Variants in TTC28 observed in about 807,000 individuals in gnomAD.
TTC28 encodes tetratricopeptide repeat protein 28.
Under a neutral mutation model 198.0 loss-of-function variants are expected in TTC28, and 61 were observed. The observed-to-expected ratio is 0.31, with a 90% CI of 0.25 to 0.38. The LOEUF is 0.38. Ranked by LOEUF, TTC28 falls within the 10% of genes least tolerant of loss-of-function variation. The pLI is 1.00. For synonymous variants in TTC28, 1,171 were observed against 1,297.8 expected, an observed-to-expected ratio of 0.90 and a Z score of 2.10; for missense variants, 2,678 against 3,164.0, an observed-to-expected ratio of 0.85 and a Z score of 3.69.
rs1209577096 is a variant in TTC28, at chr22:28,679,410, CCCACACACAT to C, written c.102+202_102+211del. 1.2e-4 allele frequency among the ~76,000 whole-genome samples: 19 copies of C among 152,262 alleles called. No homozygotes were observed. In the South Asian group the frequency reaches 2.3e-3, roughly 18 times the overall value. On this transcript the variant is annotated intron_variant, in intron 1 of 22. Transcript: ENST00000397906. ...CAACACCCATACACACCCTCACACA[CCCACACACAT>C]CCACACACACTCTCGCGGAAACTGA...
chr22:27,992,414 A>T, intron 19 of TTC28, 173 bp downstream of exon 19: 1 of 671,052 alleles, frequency 1.5e-6, no homozygotes, highest in Non-Finnish European at 2.5e-6. Context: ...GCAGGTAAAC[A>T]GCACTTGCCA....
At chr22:28,062,413 C>CT (rs57398979) in intron 12 of TTC28, among the ~76,000 whole-genome samples, 2,422 of 102,238 alleles carry the variant, frequency 0.024, 34 homozygotes, top group African/African-American at 0.043. Flanking sequence ...TTTAACTCTT[C>CT]TTTTTTTTTT....
At position 28,495,986 on chromosome 22, in the gene TTC28, A is replaced by C. The variant is rs144829082; in HGVS notation, c.381+133566T>G. On this transcript the variant is annotated intron_variant, in intron 2 of 22. Transcript: ENST00000397906. The stretch of plus-strand genomic sequence containing the variant: ...ATCCAATAGTCAATCCTCAGTTCTC[A>C]TATTAACTGAATCCATTAGCAGCAT... 6.4e-3 allele frequency among the ~76,000 whole-genome samples: 981 copies of C among 152,216 alleles called. 5 individuals are homozygous for C. Among genetic ancestry groups the C allele is most frequent in the Non-Finnish European group, 9.5e-3 (646 of 68,006 alleles).
chr22:28,099,338 C>G (rs1002503210), intron 9 of TTC28, among the ~76,000 whole-genome samples: 3 of 152,198 alleles, frequency 2.0e-5, no homozygotes, highest in Non-Finnish European at 2.9e-5. Context: ...CCCATGTGAG[C>G]TCGTCCTTAG....
chr22:28,329,667 T>C (rs1569263751), intron 2 of TTC28, among the ~76,000 whole-genome samples: 1 of 152,168 alleles, frequency 6.6e-6, no homozygotes, highest in African/African-American at 2.4e-5. Flanking sequence ...GGTTTCCCAT[T>C]TTCTTTCTCT....
intron 2 of TTC28, among the ~76,000 whole-genome samples, chr22:28,464,000 T>C (rs904035840): frequency 3.3e-5 from 5 of 152,124 alleles, no homozygotes; most frequent in South Asian, 2.1e-4. Context: ...AAAAAATTAA[T>C]ATACATGATC....
chr22:28,302,818 G>A (rs1215376768), intron 3 of TTC28, among the ~76,000 whole-genome samples: 2 of 152,116 alleles, frequency 1.3e-5, no homozygotes, highest in Non-Finnish European at 2.9e-5. Flanking sequence ...AGGATTACAG[G>A]TGCCCGAGCC....
intron 2 of TTC28, among the ~76,000 whole-genome samples, chr22:28,360,791 C>T (rs532930492): frequency 6.6e-6 from 1 of 152,194 alleles, no homozygotes; most frequent in Admixed American, 6.5e-5. Context: ...GACAACCCTG[C>T]ATTGAGCAAG....
At chr22:28,061,966 T>C (rs890583172) in intron 12 of TTC28, among the ~76,000 whole-genome samples, 9 of 152,222 alleles carry the variant, frequency 5.9e-5, no homozygotes, top group Non-Finnish European at 1.2e-4. Context: ...AGGTATTTTA[T>C]TCTCTTTGAA....
chr22:28,125,097 A>C (rs1942883204), intron 6 of TTC28, among the ~76,000 whole-genome samples: 1 of 152,184 alleles, frequency 6.6e-6, no homozygotes, highest in Non-Finnish European at 1.5e-5. Flanking sequence ...CCATGCTCTC[A>C]TGCCTCCCCT....
intron 5 of TTC28, among the ~76,000 whole-genome samples, chr22:28,241,414 G>A (rs1169077748): frequency 6.6e-6 from 1 of 151,990 alleles, no homozygotes. Context: ...TCCTGGACAA[G>A]GAAAAATAGC....
chr22:28,045,588 A>G (rs533911719), intron 12 of TTC28, among the ~76,000 whole-genome samples: 13 of 152,294 alleles, frequency 8.5e-5, no homozygotes, highest in Non-Finnish European at 1.8e-4. Context: ...CTCAATGGAC[A>G]TTTTTCTTTT....
At chr22:28,592,274 C>G (rs912257005) in intron 2 of TTC28, among the ~76,000 whole-genome samples, 5 of 152,014 alleles carry the variant, frequency 3.3e-5, no homozygotes, top group Non-Finnish European at 1.5e-5. Context: ...TAGCTTGAAC[C>G]CAAAAGTGTG....
rs1481605478 is a variant in TTC28, at chr22:28,170,322, T to C, written c.934-6723A>G. Among the ~76,000 whole-genome samples the C allele has an allele frequency of 4.6e-5, 7 of 151,066 alleles. No homozygotes were observed. The East Asian group carries it at 5.9e-4, about 13-fold the overall frequency. On this transcript the variant is annotated intron_variant, in intron 5 of 22. Transcript: ENST00000397906. ...CTAACACGGTGAAACCCCGTCTCTA[T>C]TAAAAATACAAAAAAAATTAGCTGG...
intron 2 of TTC28, among the ~76,000 whole-genome samples, chr22:28,556,620 C>A (rs2049790872): frequency 6.6e-6 from 1 of 152,014 alleles, no homozygotes; most frequent in Non-Finnish European, 1.5e-5. Flanking sequence ...AGAAGTTATC[C>A]CCAAAACACA....
intron 12 of TTC28, among the ~76,000 whole-genome samples, chr22:28,089,525 G>A (rs924926585): frequency 2.1e-5 from 3 of 142,866 alleles, no homozygotes; most frequent in Non-Finnish European, 3.1e-5. Flanking sequence ...GGGGTGGGGG[G>A]ATGGGGGAGG....
At chr22:28,087,582 T>G (rs1208816334) in intron 12 of TTC28, among the ~76,000 whole-genome samples, 8 of 152,116 alleles carry the variant, frequency 5.3e-5, no homozygotes, top group African/African-American at 1.9e-4. Flanking sequence ...ACTGGAAGCA[T>G]TCCCTTTGAA....
At chr22:28,494,573 G>T (rs73430108) in intron 2 of TTC28, among the ~76,000 whole-genome samples, 8,706 of 152,136 alleles carry the variant, frequency 0.057, 323 homozygotes, top group African/African-American at 0.11. Context: ...TATTTGCCTT[G>T]CTTCCTTGTT....
At chr22:28,488,811 G>A (rs902264490) in intron 2 of TTC28, among the ~76,000 whole-genome samples, 3 of 151,974 alleles carry the variant, frequency 2.0e-5, no homozygotes, top group African/African-American at 4.8e-5. Context: ...AGGCCATTAC[G>A]ATTCTCACAG....
Sources: allele counts gnomAD v4.1 joint callset (sites outside exome capture counted in the v4.1 genomes callset), GRCh38; gene constraint gnomAD v4.1.1; transcripts MANE v1.5; gene names NCBI Gene and HGNC (gene_info 2026-07-23, HGNC 2026-07-21).